Variants in MYO3A observed in about 807,000 individuals in gnomAD.
The protein encoded by MYO3A is myosin-IIIa.
Under a neutral mutation model 192.7 loss-of-function variants are expected in MYO3A, and 180 were observed. The observed-to-expected ratio is 0.93, with a 90% CI of 0.83 to 1.06. The LOEUF (loss-of-function observed/expected upper bound fraction) is 1.06, where lower values mean the gene tolerates loss of function less well. Ranked by LOEUF, MYO3A falls within the 50% of genes least tolerant of loss-of-function variation. The pLI, the probability that MYO3A is intolerant of heterozygous loss-of-function variation, is 0.00. For synonymous variants in MYO3A, 628 were observed against 645.3 expected, an observed-to-expected ratio of 0.97 and a Z score of 0.41; for missense variants, 1,896 against 1,905.0, an observed-to-expected ratio of 1.00 and a Z score of 0.09.
At chr10:25,994,553 A>G (rs1317752153) in intron 4 of MYO3A, among the ~76,000 whole-genome samples, 31 of 152,112 alleles carry the variant, frequency 2.0e-4, no homozygotes, top group Non-Finnish European at 4.3e-4. Flanking sequence ...TGATCCTGTC[A>G]TGATGTTAGC....
chr10:26,138,242 C>A (rs1214591978), intron 20 of MYO3A, among the ~76,000 whole-genome samples: 1 of 152,140 alleles, frequency 6.6e-6, no homozygotes, highest in African/African-American at 2.4e-5. Context: ...CTGTAAAATT[C>A]CTCTCCTTGT....
At chr10:26,013,616 A>G (rs1841806179) in intron 6 of MYO3A, among the ~76,000 whole-genome samples, 1 of 152,296 alleles carries the variant, frequency 6.6e-6, no homozygotes, top group African/African-American at 2.4e-5. Context: ...TGTGAATACA[A>G]TAGATGTTGG....
At chr10:26,144,309 A>G (rs1316673754) in intron 21 of MYO3A, among the ~76,000 whole-genome samples, 1 of 152,060 alleles carries the variant, frequency 6.6e-6, no homozygotes, top group Non-Finnish European at 1.5e-5. Context: ...ATTCTGTATG[A>G]GAAATACTTT....
chr10:26,073,919 CAT>C (rs1245677929), intron 14 of MYO3A, among the ~76,000 whole-genome samples: 2 of 152,000 alleles, frequency 1.3e-5, no homozygotes, highest in African/African-American at 4.8e-5. Flanking sequence ...CATGATGGCA[CAT>C]GTAAAAACTC....
At chr10:26,165,370 G>T (rs1445940148) in intron 26 of MYO3A, among the ~76,000 whole-genome samples, 1 of 152,032 alleles carries the variant, frequency 6.6e-6, no homozygotes, top group Admixed American at 6.6e-5. Flanking sequence ...TAAAAATTCT[G>T]GAAATCTGTC....
intron 17 of MYO3A, among the ~76,000 whole-genome samples, chr10:26,099,883 G>A (rs1447206839): frequency 1.3e-5 from 2 of 152,018 alleles, no homozygotes; most frequent in East Asian, 3.9e-4. Flanking sequence ...CTTTTTTGTT[G>A]TGTCTCTCCC....
chr10:25,944,977 C>T (rs765112211), intron 2 of MYO3A, among the ~76,000 whole-genome samples: 9 of 151,852 alleles, frequency 5.9e-5, no homozygotes, highest in South Asian at 2.1e-4. Context: ...TGTAAAGTTA[C>T]GTCATTGATT....
chr10:26,091,783 G>C (rs958024276), intron 15 of MYO3A, among the ~76,000 whole-genome samples: 8 of 152,162 alleles, frequency 5.3e-5, no homozygotes, highest in African/African-American at 1.9e-4. Flanking sequence ...CAAAAAGCTG[G>C]CAATGACTGA....
At chr10:25,994,212 A>G (rs990545253) in intron 4 of MYO3A, among the ~76,000 whole-genome samples, 6 of 152,100 alleles carry the variant, frequency 3.9e-5, no homozygotes, top group African/African-American at 2.4e-5. Flanking sequence ...TTGGGTGCGT[A>G]TATATTTAGG....
chr10:26,201,628 G>T (rs1012689324), intron 33 of MYO3A, among the ~76,000 whole-genome samples: 6 of 151,338 alleles, frequency 4.0e-5, no homozygotes, highest in Non-Finnish European at 8.8e-5. Context: ...GGAGCTTGCC[G>T]TGAGCCGAGA....
At chr10:25,965,539 C>T (rs1178064476) in intron 4 of MYO3A, among the ~76,000 whole-genome samples, 1 of 152,052 alleles carries the variant, frequency 6.6e-6, no homozygotes, top group Non-Finnish European at 1.5e-5. Flanking sequence ...TTGGCTGCCC[C>T]AGTTGGTGTC....
intron 19 of MYO3A, among the ~76,000 whole-genome samples, chr10:26,128,026 T>A (rs1245164254): frequency 1.3e-5 from 2 of 152,130 alleles, no homozygotes; most frequent in Non-Finnish European, 2.9e-5. Flanking sequence ...GGGAGAGTTT[T>A]TATTGAATAT....
chr10:26,188,823 C>T (rs758352091), intron 31 of MYO3A, among the ~76,000 whole-genome samples: 2 of 152,094 alleles, frequency 1.3e-5, no homozygotes, highest in Non-Finnish European at 2.9e-5. Context: ...TTTCTGAGGG[C>T]TCTGTTCTGT....
In MYO3A at chr10:26,070,381, C is replaced by T; in HGVS notation, c.1339C>T (p.Gln447Ter). 6.2e-7 allele frequency: 1 copy of T among 1,613,068 alleles called. No individual in the cohort carries two copies. Among genetic ancestry groups the T allele is most frequent in the Non-Finnish European group, 8.5e-7 (1 of 1,179,368 alleles). ...TGAAAATGCTCATCTTTTAGTTCAGCAGCTGACAGTGCTTGGAAAGGTATA... is the reference window on the plus strand; with the variant it reads ...TGAAAATGCTCATCTTTTAGTTCAGTAGCTGACAGTGCTTGGAAAGGTATA... ...KTENAHLLVQ[Q>*]LTVLGKANNR... Residue 447 changes from glutamine to a stop codon, truncating the protein, a stop_gained, in exon 14 of 35, where the codon CAG (glutamine) becomes TAG (stop). Transcript: ENST00000642920. LOFTEE classifies it high-confidence loss of function.
At chr10:26,021,415 T>A in intron 7 of MYO3A, 88 bp from the exon 8 acceptor site, 8 of 1,486,372 alleles carry the variant, frequency 5.4e-6, no homozygotes, top group Non-Finnish European at 7.5e-6. Context: ...TTCACCAGTT[T>A]AAATACTTAA....
chr10:25,988,615 C>T (rs11818458), intron 4 of MYO3A, among the ~76,000 whole-genome samples: 14,494 of 152,050 alleles, frequency 0.095, 1,224 homozygotes, highest in African/African-American at 0.22. Context: ...AACTTATATT[C>T]ACATCAAAAT....
In MYO3A at chr10:26,052,387, A is replaced by G. The variant is rs149126823; in HGVS notation, c.954-14588A>G. 9.8e-5 allele frequency among the ~76,000 whole-genome samples: 15 copies of G among 152,326 alleles called. 1 individual carries two copies. The East Asian group carries it at 2.9e-3, about 29-fold the overall frequency. On this transcript the variant is annotated intron_variant, in intron 10 of 34. Coordinates refer to ENST00000642920, the MANE Select transcript of MYO3A (RefSeq NM_017433.5). The stretch of plus-strand genomic sequence containing the variant: ...AAGACTTACTGGGGGCTTGGTCACT[A>G]TGATATCTGTCACTCCAGGTATTGA...
intron 20 of MYO3A, among the ~76,000 whole-genome samples, chr10:26,139,560 G>A (rs1321579561): frequency 2.0e-5 from 3 of 152,168 alleles, no homozygotes; most frequent in Non-Finnish European, 2.9e-5. Flanking sequence ...CAAGTTAGAA[G>A]TGTTTATTAT....
chr10:26,071,860 A>G (rs924929792), intron 14 of MYO3A, among the ~76,000 whole-genome samples: 2 of 152,186 alleles, frequency 1.3e-5, no homozygotes, highest in African/African-American at 4.8e-5. Flanking sequence ...GTGTTTTTTA[A>G]TCTAACAATA....
Sources: allele counts gnomAD v4.1 joint callset (sites outside exome capture counted in the v4.1 genomes callset), GRCh38; gene constraint gnomAD v4.1.1; transcripts MANE v1.5; gene names NCBI Gene and HGNC (gene_info 2026-07-23, HGNC 2026-07-21).